Variants in TTYH3 observed in about 807,000 individuals in gnomAD.
The protein encoded by TTYH3 is tweety family member 3, also known as protein tweety homolog 3.
TTYH3 carries 23 observed loss-of-function variants against 68.2 expected under a neutral mutation model. The ratio of observed to expected loss-of-function variants is 0.34; its 90% CI spans 0.24 to 0.48. The LOEUF (loss-of-function observed/expected upper bound fraction) is 0.48. Ranked by LOEUF, TTYH3 falls within the 20% of genes least tolerant of loss-of-function variation. The pLI is 0.99. For synonymous variants in TTYH3, 360 were observed against 332.8 expected (o/e 1.08, Z -0.89); for missense variants, 768 against 727.7 (o/e 1.06, Z -0.64).
At chr7:2,638,898 C>T (rs1168189102) in intron 1 of TTYH3, among the ~76,000 whole-genome samples, 1 of 152,154 alleles carries the variant, frequency 6.6e-6, no homozygotes, top group Non-Finnish European at 1.5e-5. Context: ...GGACCCACTT[C>T]CCAGTGGCGG....
chr7:2,644,219 C>T (rs1475737192), intron 1 of TTYH3, among the ~76,000 whole-genome samples: 2 of 152,178 alleles, frequency 1.3e-5, no homozygotes, highest in Non-Finnish European at 2.9e-5. Context: ...TGCCGTTGGC[C>T]TCTGAGCTAT....
chr7:2,637,549 G>A (rs765909491), intron 1 of TTYH3, among the ~76,000 whole-genome samples: 1 of 151,910 alleles, frequency 6.6e-6, no homozygotes, highest in Non-Finnish European at 1.5e-5. Context: ...AGGGGTGCAG[G>A]TTTAGGGGGC....
Position 2,656,315 on chromosome 7 carries a change from C to T in TTYH3, c.1114-83C>T, listed in dbSNP as rs550094126. The T allele has an allele frequency of 6.4e-5, 100 of 1,572,496 alleles. 1 individual carries two copies. The highest frequency in any genetic ancestry group is 5.7e-4 in the African/African-American group (42 of 74,216). ...CCTGCCTCTGGGGGGCGGTCCAGGC[C>T]GCCGTGGCTGGGCTGAAGGTCTCAC... On this transcript the variant is annotated intron_variant, in intron 10 of 13. Coordinates refer to ENST00000258796, the MANE Select transcript of TTYH3 (RefSeq NM_025250.3).
chr7:2,641,699 C>T (rs1463683900), intron 1 of TTYH3, among the ~76,000 whole-genome samples: 5 of 152,244 alleles, frequency 3.3e-5, no homozygotes, highest in African/African-American at 1.2e-4. Context: ...AGAGAGGTGG[C>T]TGGGCCACCG....
At chr7:2,658,786 C>T (rs1786409487) in intron 12 of TTYH3, among the ~76,000 whole-genome samples, 154 bp from the exon 13 acceptor site, 1 of 152,164 alleles carries the variant, frequency 6.6e-6, no homozygotes, top group African/African-American at 2.4e-5. Context: ...TGGGCCCTCT[C>T]TGAGCCCTTT....
Position 2,645,625 on chromosome 7 carries a change from C to G in TTYH3, c.124-1228C>G, listed in dbSNP as rs1429967280. 3 of 381,008 alleles carry G rather than the reference C, an allele frequency of 7.9e-6. No homozygotes were observed. The highest frequency in any genetic ancestry group is 1.6e-5 in the Non-Finnish European group (3 of 185,986). 23.6% of individuals were successfully genotyped at this position (381,008 alleles called of 1,614,324 possible). On this transcript the variant is annotated intron_variant, in intron 1 of 13. Transcript: ENST00000258796. This position sits in a 1 kb window ranked among gnomAD's most constrained non-coding sequence, Gnocchi z 4.8. Reference sequence around the variant, plus strand: ...GTCCGATGGGGCGCCTGTATGCAGCCTGTAGCAGTGTGGGGCCAGCCCCAC... The same window carrying G: ...GTCCGATGGGGCGCCTGTATGCAGCGTGTAGCAGTGTGGGGCCAGCCCCAC...
At chr7:2,659,923 AC>A in intron 13 of TTYH3, 1 of 1,227,508 alleles carries the variant, frequency 8.1e-7, no homozygotes, top group Non-Finnish European at 1.1e-6. Flanking sequence ...CACCCCACCC[AC>A]CCCGGGCCCT....
In TTYH3 at chr7:2,647,743, G is replaced by C. The variant is rs1786039886; in HGVS notation, c.626+105G>C. Reference sequence around the variant, plus strand: ...TAGTACATGAGGCCTGATGGGCAGGGTGTGGCCCAGGGCCACTGGAGGTCA... The same window carrying C: ...TAGTACATGAGGCCTGATGGGCAGGCTGTGGCCCAGGGCCACTGGAGGTCA... On this transcript the variant is annotated intron_variant, in intron 4 of 13. Transcript: ENST00000258796. 38 of 1,291,230 alleles carry C rather than the reference G, an allele frequency of 2.9e-5. No individual in the cohort carries two copies. The South Asian group carries it at 5.2e-4, about 18-fold the overall frequency. 80.0% of individuals were successfully genotyped at this position (1,291,230 alleles called of 1,614,324 possible).
intron 10 of TTYH3, 86 bp from the exon 11 acceptor site, chr7:2,656,312 G>T: frequency 6.4e-7 from 1 of 1,572,360 alleles, no homozygotes; most frequent in Non-Finnish European, 8.6e-7. Flanking sequence ...GGGCGGTCCA[G>T]GCCGCCGTGG....
Position 2,648,240 on chromosome 7 carries a change from G to A in TTYH3, c.722+186G>A, listed in dbSNP as rs568472422. On this transcript the variant is annotated intron_variant, in intron 5 of 13. Coordinates refer to ENST00000258796, the MANE Select transcript of TTYH3 (RefSeq NM_025250.3). ...TTCTGTGCCTGTGGCCTGTGCCCCT[G>A]TGGCCAGCATCCCAGCACACTTGCC... 2.8e-5 allele frequency: 17 copies of A among 600,530 alleles called. 1 individual carries two copies. The South Asian group carries it at 3.5e-4, about 12-fold the overall frequency. The allele number at this position is 600,530 out of a possible 1,614,324, so 37.2% of individuals were successfully genotyped here. A position where few individuals can be genotyped will look rare whatever the true frequency, so the allele number is the denominator to read the frequency against.
chr7:2,632,145 C>T lies in TTYH3; in HGVS notation c.-11C>T, dbSNP rs1171074354. The T allele has an allele frequency of 2.8e-6, 4 of 1,414,896 alleles. No individual in the cohort carries two copies. Among genetic ancestry groups the T allele is most frequent in the South Asian group, 1.4e-5 (1 of 69,016 alleles). 87.6% of individuals were successfully genotyped at this position (1,414,896 alleles called of 1,614,324 possible). Reference sequence around the variant, plus strand: ...CAGGCCGCGCGCATCCGGAGGCGGCCGGGCCCCGCCATGGCCGGGGTCAGC... The same window carrying T: ...CAGGCCGCGCGCATCCGGAGGCGGCTGGGCCCCGCCATGGCCGGGGTCAGC... On this transcript the variant is annotated 5_prime_UTR_variant, in exon 1 of 14. Transcript: ENST00000258796.
chr7:2,652,593 G>A (rs908359958), intron 8 of TTYH3, among the ~76,000 whole-genome samples: 12 of 152,182 alleles, frequency 7.9e-5, no homozygotes, highest in Non-Finnish European at 1.3e-4. Flanking sequence ...TGAAGAGGTC[G>A]GCCGCACCAG....
Position 2,656,181 on chromosome 7 carries a change from T to C in TTYH3, c.1110T>C (p.His370=), listed in dbSNP as rs1309477242. 11 of 1,565,728 alleles carry C rather than the reference T, an allele frequency of 7.0e-6. No homozygotes were observed. Among genetic ancestry groups the C allele is most frequent in the Non-Finnish European group, 8.7e-6 (10 of 1,155,360 alleles). ...LTALVDCRSL[H]LDYVQALTGF... is the part of the protein sequence containing the mutation. ...CCCTGGTGGACTGCCGCAGCCTGCA[T>C]CTGGTGAGAGGCAGGGCCTGGGACA... The change falls in exon 10 of 14, where the codon CAT becomes CAC. Residue 370 remains histidine, a synonymous_variant. Transcript: ENST00000258796.
intron 1 of TTYH3, among the ~76,000 whole-genome samples, chr7:2,637,996 T>C (rs1211847993): frequency 1.3e-5 from 2 of 152,188 alleles, no homozygotes; most frequent in African/African-American, 4.8e-5. Flanking sequence ...CCCCTAGCCG[T>C]TCTGCCCCCC....
intron 11 of TTYH3, among the ~76,000 whole-genome samples, chr7:2,657,429 TGGTG>T (rs1786370297): frequency 2.0e-5 from 3 of 151,152 alleles, no homozygotes; most frequent in African/African-American, 7.3e-5. Flanking sequence ...GTGATGGTGA[TGGTG>T]ATGGTGATGT....
At chr7:2,660,096 C>T (rs1226691221) in intron 13 of TTYH3, 3 of 1,263,338 alleles carry the variant, frequency 2.4e-6, no homozygotes, top group Non-Finnish European at 3.1e-6. Context: ...CCTCCCGCCT[C>T]CACCCTGCAC....
chr7:2,636,100 TCTC>T (rs1426991059), intron 1 of TTYH3, among the ~76,000 whole-genome samples: 2 of 152,134 alleles, frequency 1.3e-5, no homozygotes, highest in South Asian at 2.1e-4. Context: ...GGGCCAGTGT[TCTC>T]CTAGCAGAGT....
At chr7:2,648,326 G>A (rs984593211) in intron 5 of TTYH3, 3 of 432,928 alleles carry the variant, frequency 6.9e-6, no homozygotes, top group Non-Finnish European at 1.2e-5. Flanking sequence ...AGGACCTGAA[G>A]CAACCTGCCC....
At chr7:2,657,416 GTGGTGATGGTGA>G (rs67283715) in intron 11 of TTYH3, among the ~76,000 whole-genome samples, 8 of 147,958 alleles carry the variant, frequency 5.4e-5, no homozygotes, top group Admixed American at 1.3e-4. Context: ...GGTTGTGGTG[GTGGTGATGGTGA>G]TGGTGATGGT....
Sources: gnomAD v4.1 joint callset for allele counts (sites outside exome capture counted in the v4.1 genomes callset) on GRCh38, gnomAD v4.1.1 for gene constraint, Gnocchi (gnomAD v3.1) non-coding constraint, MANE v1.5 for transcripts, NCBI Gene and HGNC (gene_info 2026-07-23, HGNC 2026-07-21) for gene names.